PSAP: variants seen among roughly 807,000 people sequenced by gnomAD.
PSAP encodes the protein precursor of saposins.
A neutral mutation model predicts 66.0 loss-of-function variants in PSAP; 25 were observed. The ratio of observed to expected loss-of-function variants is 0.38; its 90% CI spans 0.28 to 0.53. The LOEUF (loss-of-function observed/expected upper bound fraction) is 0.53. PSAP is among the 20% of genes least tolerant of loss of function. The probability of loss-of-function intolerance (pLI) is 0.83; values close to 1 mark genes in which losing one functional copy is unlikely to be tolerated. For synonymous variants in PSAP, 273 were observed against 258.9 expected (o/e 1.05, Z -0.52); for missense variants, 649 against 668.8 (o/e 0.97, Z 0.33).
At chr10:71,836,239 A>T (rs1042500679) in intron 1 of PSAP, among the ~76,000 whole-genome samples, 2 of 152,184 alleles carry the variant, frequency 1.3e-5, no homozygotes, top group African/African-American at 4.8e-5. Context: ...CCAGGGGAAA[A>T]CATGTGCCAG....
Position 71,819,019 on chromosome 10 carries a change from A to T in PSAP, c.1431+12T>A, listed in dbSNP as rs1257022637. 6.2e-7 allele frequency: 1 copy of T among 1,612,622 alleles called. No homozygotes were observed. Among genetic ancestry groups the T allele is most frequent in the African/African-American group, 1.3e-5 (1 of 74,890 alleles). The stretch of plus-strand genomic sequence containing the variant: ...GCTGCCCGAGAGGACCACACCACCC[A>T]GTGAGGCTCACCAAGCACACGAAGG... On this transcript the variant is annotated intron_variant, in intron 12 of 13. Transcript: ENST00000394936.
chr10:71,830,969 C>T (rs994277192), intron 4 of PSAP, among the ~76,000 whole-genome samples, 157 bp downstream of exon 4: 2 of 152,140 alleles, frequency 1.3e-5, no homozygotes, highest in African/African-American at 2.4e-5. Flanking sequence ...CCTGCTGTGC[C>T]AAAGGAGCTA....
At chr10:71,851,016 G>C (rs1490530741) in intron 1 of PSAP, among the ~76,000 whole-genome samples, 166 bp downstream of exon 1, 1 of 151,690 alleles carries the variant, frequency 6.6e-6, no homozygotes, top group African/African-American at 2.4e-5. Context: ...GCCCCCAGCC[G>C]CCCAGAGAAA....
rs1411882145 is a variant in PSAP, at chr10:71,825,895, TGAG to T, written c.721-5_721-3del. On this transcript the variant is annotated splice_polypyrimidine_tract_variant and splice_region_variant and intron_variant, in intron 6 of 13. Transcript: ENST00000394936. ...ATACTGGCTGATATAGTTCTTGCAC[TGAG>T]GAGAGAGAAACAGATTGCTAAACAA... is the stretch of plus-strand genomic sequence containing the variant. 2.5e-6 allele frequency: 4 copies of T among 1,612,702 alleles called. No homozygotes were observed. The highest frequency in any genetic ancestry group is 1.7e-5 in the Admixed American group (1 of 60,008).
intron 7 of PSAP, chr10:71,823,829 A>T: frequency 8.1e-7 from 1 of 1,234,006 alleles, no homozygotes; most frequent in Non-Finnish European, 1.1e-6. Flanking sequence ...AAAAAAAAAA[A>T]GCAAAGTAAC....
At chr10:71,851,056 C>A (rs1842918862) in intron 1 of PSAP, 126 bp downstream of exon 1, 4 of 1,128,492 alleles carry the variant, frequency 3.5e-6, no homozygotes, top group East Asian at 2.6e-5. Context: ...CGCGCCTGCG[C>A]AGTGCGCGCG....
chr10:71,831,728 G>A (rs992267974), intron 3 of PSAP, 118 bp downstream of exon 3: 3 of 992,194 alleles, frequency 3.0e-6, no homozygotes, highest in African/African-American at 3.2e-5. Flanking sequence ...CTTTGTGGAA[G>A]ACATTTGCCA....
intron 12 of PSAP, 90 bp from the exon 13 acceptor site, chr10:71,818,814 G>A: frequency 8.2e-7 from 1 of 1,213,144 alleles, no homozygotes; most frequent in Non-Finnish European, 1.2e-6. Context: ...TTTCCAGAAG[G>A]AGCTAGGATC....
intron 6 of PSAP, 145 bp downstream of exon 6, chr10:71,827,868 AC>A (rs1358021817): frequency 1.8e-5 from 21 of 1,153,610 alleles, no homozygotes; most frequent in Middle Eastern, 2.7e-4. Flanking sequence ...GATGCCATTA[AC>A]CAAAATAGAT....
At chr10:71,834,289 G>A (rs1842578439) in intron 2 of PSAP, 83 bp downstream of exon 2, 1 of 1,599,360 alleles carries the variant, frequency 6.3e-7, no homozygotes, top group South Asian at 1.1e-5. Flanking sequence ...AAAGTGCTCT[G>A]TCAATATGGC....
intron 2 of PSAP, among the ~76,000 whole-genome samples, chr10:71,833,019 A>AAAAAAG (rs1842549704): frequency 7.4e-6 from 1 of 135,866 alleles, no homozygotes; most frequent in Non-Finnish European, 1.5e-5. Context: ...TCCATCTCAA[A>AAAAAAG]AAAAAAAAAA....
At chr10:71,839,855 A>T (rs1452690425) in intron 1 of PSAP, among the ~76,000 whole-genome samples, 1 of 152,188 alleles carries the variant, frequency 6.6e-6, no homozygotes. Flanking sequence ...CTCCATCAAA[A>T]ATAAGAAAAA....
chr10:71,823,763 G>T (rs2249814), intron 7 of PSAP: 1 of 660,806 alleles, frequency 1.5e-6, no homozygotes. Context: ...CAGAGAGGGA[G>T]CCTGCCTCTC....
chr10:71,835,114 C>A (rs995206908), intron 1 of PSAP, among the ~76,000 whole-genome samples: 1 of 151,518 alleles, frequency 6.6e-6, no homozygotes, highest in Non-Finnish European at 1.5e-5. Context: ...TGGTGGCGGG[C>A]GCCTGTAGTT....
chr10:71,840,635 C>T (rs1214580141), intron 1 of PSAP, among the ~76,000 whole-genome samples: 2 of 152,196 alleles, frequency 1.3e-5, no homozygotes, highest in Non-Finnish European at 2.9e-5. Context: ...CATAAGAAAT[C>T]AGTGGCAATA....
chr10:71,834,999 G>A (rs934541797), intron 1 of PSAP, among the ~76,000 whole-genome samples: 4 of 152,078 alleles, frequency 2.6e-5, no homozygotes, highest in South Asian at 4.1e-4. Flanking sequence ...CACTTTGGGA[G>A]GCCAAGGTGG....
chr10:71,822,316 C>A, intron 7 of PSAP: 1 of 446,810 alleles, frequency 2.2e-6, no homozygotes, highest in South Asian at 2.0e-5. Flanking sequence ...TCCAAGGACA[C>A]CTGGTCTGTT....
At chr10:71,839,337 T>C (rs1256826608) in intron 1 of PSAP, among the ~76,000 whole-genome samples, 1 of 152,116 alleles carries the variant, frequency 6.6e-6, no homozygotes. Context: ...CTTCCCGGGT[T>C]CAAGCGATTC....
At chr10:71,836,930 A>C (rs1168760924) in intron 1 of PSAP, among the ~76,000 whole-genome samples, 1 of 152,228 alleles carries the variant, frequency 6.6e-6, no homozygotes, top group Non-Finnish European at 1.5e-5. Flanking sequence ...ACCTGGACTG[A>C]AAATAATCTT....
Sources: gnomAD v4.1 joint callset for allele counts (sites outside exome capture counted in the v4.1 genomes callset) on GRCh38, gnomAD v4.1.1 for gene constraint, MANE v1.5 for transcripts, NCBI Gene and HGNC (gene_info 2026-07-23, HGNC 2026-07-21) for gene names.